UTP15: variants seen among roughly 807,000 people sequenced by gnomAD.
UTP15 encodes UTP15 small subunit processome component.
UTP15 carries 5 observed loss-of-function variants against 59.1 expected under a neutral mutation model. The ratio of observed to expected loss-of-function variants is 0.08; its 90% CI spans 0.04 to 0.18. The LOEUF (loss-of-function observed/expected upper bound fraction) is 0.18, where lower values mean the gene tolerates loss of function less well. UTP15 is among the 10% of genes least tolerant of loss of function. UTP15 has a pLI of 1.00. For missense variants in UTP15, 494 were observed against 616.7 expected, an observed-to-expected ratio of 0.80 and a Z score of 2.11; for synonymous variants, 211 against 212.2, an observed-to-expected ratio of 0.99 and a Z score of 0.05.
chr5:73,578,879 T>C (rs758159357), intron 10 of UTP15, 27 bp downstream of exon 10: 6 of 1,578,954 alleles, frequency 3.8e-6, no homozygotes, highest in African/African-American at 1.3e-5. Flanking sequence ...TAAAAAATCA[T>C]GTTATTACTT....
intron 1 of UTP15, 172 bp downstream of exon 1, chr5:73,566,084 ACACCCTT>A (rs1311753842): frequency 3.0e-6 from 1 of 337,538 alleles, no homozygotes; most frequent in Non-Finnish European, 5.9e-6. Context: ...CTCTGCGATT[ACACCCTT>A]TCCTGTCCAC....
chr5:73,570,756 C>A, intron 6 of UTP15, 45 bp downstream of exon 6: 1 of 1,603,614 alleles, frequency 6.2e-7, no homozygotes, highest in African/African-American at 1.3e-5. Flanking sequence ...GGTTTTGAAT[C>A]ACGTTTGTTT....
At chr5:73,578,988 A>T (rs774719229) in intron 10 of UTP15, 29 bp from the exon 11 acceptor site, 3 of 1,600,750 alleles carry the variant, frequency 1.9e-6, no homozygotes, top group Non-Finnish European at 2.6e-6. Flanking sequence ...TGTTTTGTCT[A>T]CTCATGTTGA....
At chr5:73,568,781 G>A (rs767946213) in intron 4 of UTP15, among the ~76,000 whole-genome samples, 177 bp downstream of exon 4, 3 of 152,146 alleles carry the variant, frequency 2.0e-5, no homozygotes, top group Non-Finnish European at 4.4e-5. Context: ...CAGTTTCATG[G>A]GGCTTATGAA....
intron 10 of UTP15, 52 bp from the exon 11 acceptor site, chr5:73,578,965 A>AT (rs984489364): frequency 3.4e-5 from 54 of 1,601,150 alleles, no homozygotes; most frequent in Middle Eastern, 1.7e-4. Context: ...CAAGACAGTG[A>AT]TTTTTTTTGT....
chr5:73,570,811 C>T, intron 6 of UTP15, 100 bp downstream of exon 6: 1 of 1,493,280 alleles, frequency 6.7e-7, no homozygotes, highest in South Asian at 1.2e-5. Flanking sequence ...ATTTGAATTG[C>T]ATATCTAAGT....
chr5:73,567,457 G>C (rs371813602), intron 2 of UTP15, 23 bp downstream of exon 2: 1 of 1,547,736 alleles, frequency 6.5e-7, no homozygotes, highest in Non-Finnish European at 8.8e-7. Context: ...CGTAATGAGG[G>C]AGAAGGGATT....
At chr5:73,568,852 A>G (rs1747856710) in intron 4 of UTP15, among the ~76,000 whole-genome samples, 1 of 151,674 alleles carries the variant, frequency 6.6e-6, no homozygotes, top group Non-Finnish European at 1.5e-5. Flanking sequence ...GCTACTCTGT[A>G]GCTTTTGGTT....
rs748212328 is a variant in UTP15 at position 73,576,994 on chromosome 5, C to G, written c.852C>G (p.His284Gln). 6.2e-7 allele frequency: 1 copy of G among 1,610,912 alleles called. No homozygotes were observed. Among genetic ancestry groups the G allele is most frequent in the Non-Finnish European group, 8.5e-7 (1 of 1,179,220 alleles). ...GCACAACTTCCTACAAAGTAGTCCA[C>G]AGTTTTGATTATGCAGCTTCAATTT... is the stretch of plus-strand genomic sequence containing the variant. ...VYSTTSYKVV[H>Q]SFDYAASILS... Residue 284 changes from histidine to glutamine, a missense_variant, in exon 8 of 13, where the codon CAC becomes CAG. His to Gln is a conservative substitution (Grantham distance 24, BLOSUM62 0). Transcript: ENST00000296792.
chr5:73,569,400 C>G, intron 4 of UTP15, 97 bp from the exon 5 acceptor site: 1 of 994,132 alleles, frequency 1.0e-6, no homozygotes, highest in Non-Finnish European at 1.4e-6. Context: ...AACTCAGCTG[C>G]TTTTTTTTTA....
At position 73,569,658 on chromosome 5, in the gene UTP15, C is replaced by T. The variant is rs780124419; in HGVS notation, c.530C>T (p.Pro177Leu). Residue 177 changes from proline (P) to leucine (L), a missense_variant, in exon 5 of 13, where the codon CCG (proline) becomes CTG (leucine). Pro to Leu is a moderately conservative substitution (Grantham distance 98, BLOSUM62 -3). Transcript: ENST00000296792. ...TGTGGATGTGCTAGCAAACTTAATC[C>T]GGATCTCTTTATAACAGGTTGGTGA... is the stretch of plus-strand genomic sequence containing the variant. ...VRCGCASKLN[P>L]DLFITGSYDH... 12 of 1,608,572 alleles carry T rather than the reference C, an allele frequency of 7.5e-6. No individual in the cohort carries two copies. The highest frequency in any genetic ancestry group is 1.1e-5 in the South Asian group (1 of 90,376).
chr5:73,582,374 T>TTTTG lies in UTP15; in HGVS notation c.*2292_*2295dup, dbSNP rs908245122. ...TCAATACTTAAATTCAGGAGTACTT[T>TTTTG]TTTGTTTGTTTGTTTTGTTTTGTTT... On this transcript the variant is annotated 3_prime_UTR_variant, in exon 13 of 13. Transcript: ENST00000296792. The TTTTG allele has an allele frequency of 6.6e-6, 1 of 152,158 alleles. No homozygotes were observed. Among genetic ancestry groups the TTTTG allele is most frequent in the Non-Finnish European group, 1.5e-5 (1 of 68,066 alleles). The allele number at this position is 152,158 out of a possible 1,614,324, so 9.4% of individuals were successfully genotyped here.
At chr5:73,578,210 A>G in intron 9 of UTP15, 1 of 508,918 alleles carries the variant, frequency 2.0e-6, no homozygotes, top group East Asian at 3.9e-5. Flanking sequence ...ACTCTGCATC[A>G]TAACATAATG....
intron 7 of UTP15, among the ~76,000 whole-genome samples, 182 bp from the exon 8 acceptor site, chr5:73,576,770 G>A (rs577179504): frequency 6.6e-6 from 1 of 152,276 alleles, no homozygotes; most frequent in South Asian, 2.1e-4. Context: ...ACCGTGTCCG[G>A]CCTACAGCTC....
At position 73,565,789 on chromosome 5, in the gene UTP15, C is replaced by T; in HGVS notation, c.-207C>T. Reference sequence around the variant, plus strand: ...CGGTTCGCTGTGTGTGTCGCCGGCTCCTTGAGGGTCCATGTGATTTTTACG... The same window carrying T: ...CGGTTCGCTGTGTGTGTCGCCGGCTTCTTGAGGGTCCATGTGATTTTTACG... On this transcript the variant is annotated 5_prime_UTR_variant, in exon 1 of 13. Transcript: ENST00000296792. 2.2e-6 allele frequency: 1 copy of T among 456,306 alleles called. No individual in the cohort carries two copies. The highest frequency in any genetic ancestry group is 1.5e-5 in the South Asian group (1 of 64,572). The allele number at this position is 456,306 out of a possible 1,614,324, so 28.3% of individuals were successfully genotyped here. A position where few individuals can be genotyped will look rare whatever the true frequency, so the allele number is the denominator to read the frequency against.
At chr5:73,570,052 G>A (rs546305604) in intron 5 of UTP15, among the ~76,000 whole-genome samples, 1 of 152,032 alleles carries the variant, frequency 6.6e-6, no homozygotes, top group Admixed American at 6.5e-5. Flanking sequence ...GGCTGGTCTC[G>A]AACTCCTGGG....
At chr5:73,572,444 A>G in intron 6 of UTP15, 45 bp from the exon 7 acceptor site, 1 of 1,606,088 alleles carries the variant, frequency 6.2e-7, no homozygotes, top group Non-Finnish European at 8.5e-7. Context: ...TAATATGTTG[A>G]ATCTGTGGGC....
chr5:73,566,087 C>G, intron 1 of UTP15, 175 bp downstream of exon 1: 1 of 331,648 alleles, frequency 3.0e-6, no homozygotes, highest in South Asian at 2.3e-5. Flanking sequence ...TGCGATTACA[C>G]CCTTTCCTGT....
rs1460997347 is a variant in UTP15 at position 73,582,969 on chromosome 5, A to C, written c.*2875A>C. On this transcript the variant is annotated 3_prime_UTR_variant, in exon 13 of 13. Transcript: ENST00000296792. Reference sequence around the variant, plus strand: ...TGGGAAGGTTTATGCTAATGGGGTCAAGCATTTGCAATGCTGCTTAAAAGA... The same window carrying C: ...TGGGAAGGTTTATGCTAATGGGGTCCAGCATTTGCAATGCTGCTTAAAAGA... The C allele has an allele frequency of 6.6e-6, 1 of 152,236 alleles. No homozygotes were observed. The highest frequency in any genetic ancestry group is 1.5e-5 in the Non-Finnish European group (1 of 68,048). The allele number at this position is 152,236 out of a possible 1,614,324, so 9.4% of individuals were successfully genotyped here.
Sources: allele counts gnomAD v4.1 joint callset (sites outside exome capture counted in the v4.1 genomes callset), GRCh38; gene constraint gnomAD v4.1.1; transcripts MANE v1.5; gene names NCBI Gene and HGNC (gene_info 2026-07-23, HGNC 2026-07-21).